The following FER variants were observed in gnomAD, a reference collection of about 807,000 sequenced individuals.
The protein encoded by FER is FER tyrosine kinase, also known as tyrosine-protein kinase Fer.
In FER, 63 loss-of-function variants were observed where a neutral mutation model predicts 111.0. The ratio of observed to expected loss-of-function variants is 0.57; its 90% CI spans 0.46 to 0.70. FER has a LOEUF of 0.70. FER is among the 30% of genes least tolerant of loss of function. The probability of loss-of-function intolerance (pLI) is 0.00; values close to 1 mark genes in which losing one functional copy is unlikely to be tolerated. For missense variants in FER, 914 were observed against 954.0 expected (o/e 0.96, Z 0.55); for synonymous variants, 327 against 313.9 (o/e 1.04, Z -0.44).
intron 17 of FER, among the ~76,000 whole-genome samples, chr5:109,140,188 A>T (rs916670123): frequency 1.8e-4 from 27 of 152,206 alleles, no homozygotes; most frequent in Non-Finnish European, 3.8e-4. Flanking sequence ...AGTGGCTCTT[A>T]ATTCAAATAA....
At chr5:108,783,596 C>G (rs983599685) in intron 2 of FER, among the ~76,000 whole-genome samples, 1 of 152,122 alleles carries the variant, frequency 6.6e-6, no homozygotes, top group African/African-American at 2.4e-5. Flanking sequence ...TTTTCACAAG[C>G]AATCATCCTG....
At chr5:108,995,698 C>G (rs1043020817) in intron 13 of FER, among the ~76,000 whole-genome samples, 2 of 152,102 alleles carry the variant, frequency 1.3e-5, no homozygotes, top group African/African-American at 4.8e-5. Context: ...CAAGTCTTTG[C>G]TATTGTGAAC....
At chr5:109,044,223 G>A (rs1291550066) in intron 14 of FER, among the ~76,000 whole-genome samples, 2 of 150,160 alleles carry the variant, frequency 1.3e-5, no homozygotes, top group East Asian at 4.0e-4. Flanking sequence ...CTGTTGCCCA[G>A]GCTGGAGTGC....
At chr5:109,097,045 G>A (rs936338085) in intron 16 of FER, among the ~76,000 whole-genome samples, 4 of 149,900 alleles carry the variant, frequency 2.7e-5, no homozygotes, top group East Asian at 1.9e-4. Context: ...TTTATTGTGT[G>A]TACTGTGTGC....
intron 17 of FER, among the ~76,000 whole-genome samples, chr5:109,108,140 A>G (rs2150082324): frequency 6.6e-6 from 1 of 152,254 alleles, no homozygotes; most frequent in East Asian, 1.9e-4. Context: ...ACTGTTTGCC[A>G]AGTACATTCA....
At chr5:108,806,117 C>T (rs548862886) in intron 3 of FER, among the ~76,000 whole-genome samples, 7 of 152,252 alleles carry the variant, frequency 4.6e-5, no homozygotes, top group South Asian at 2.1e-4. Context: ...GCATCCTAGC[C>T]GCTCCAGCCG....
At chr5:108,865,612 C>A (rs562471736) in intron 5 of FER, among the ~76,000 whole-genome samples, 263 of 152,236 alleles carry the variant, frequency 1.7e-3, no homozygotes, top group African/African-American at 6.2e-3. Flanking sequence ...AGAGCTTCTG[C>A]ACAGCAAAAG....
At chr5:108,863,853 C>T (rs142877829) in intron 5 of FER, among the ~76,000 whole-genome samples, 1 of 152,148 alleles carries the variant, frequency 6.6e-6, no homozygotes, top group Admixed American at 6.5e-5. Flanking sequence ...AATATATTAT[C>T]TTGTGGGTGG....
At chr5:108,826,606 G>A (rs6876542) in intron 3 of FER, among the ~76,000 whole-genome samples, 34,536 of 152,034 alleles carry the variant, frequency 0.23, 4,099 homozygotes, top group African/African-American at 0.28. Flanking sequence ...GGTAATACTG[G>A]CTTCATAGAA....
intron 16 of FER, among the ~76,000 whole-genome samples, chr5:109,068,605 C>G (rs533061326): frequency 9.9e-5 from 15 of 152,222 alleles, no homozygotes; most frequent in Non-Finnish European, 2.2e-4. Flanking sequence ...AACATGACCA[C>G]TGTGGCTTTG....
intron 2 of FER, among the ~76,000 whole-genome samples, chr5:108,775,321 T>G (rs1218049890): frequency 1.3e-5 from 2 of 152,154 alleles, no homozygotes; most frequent in Admixed American, 1.3e-4. Context: ...ACCTGTGAAC[T>G]TGTCTAGTTA....
At chr5:108,946,552 A>G (rs886559213) in intron 11 of FER, among the ~76,000 whole-genome samples, 1 of 151,986 alleles carries the variant, frequency 6.6e-6, no homozygotes, top group Non-Finnish European at 1.5e-5. Flanking sequence ...AGTGTAAACA[A>G]TTCTTTTCTA....
Position 108,920,447 on chromosome 5 carries a change from A to C in FER, c.1236+22599A>C, listed in dbSNP as rs554954490. 7.9e-5 allele frequency among the ~76,000 whole-genome samples: 12 copies of C among 152,284 alleles called. No individual in the cohort carries two copies. The East Asian group carries it at 2.3e-3, about 29-fold the overall frequency. ...TCTTCAAATTTGGTCACTTCATACA[A>C]TAAAGTAATTACACTGATAATCTTA... On this transcript the variant is annotated intron_variant, in intron 10 of 19. Transcript: ENST00000281092.
At chr5:108,790,014 T>C (rs1422172973) in intron 2 of FER, among the ~76,000 whole-genome samples, 3 of 152,170 alleles carry the variant, frequency 2.0e-5, no homozygotes, top group Non-Finnish European at 4.4e-5. Context: ...CAATATCAGA[T>C]ACAGTTTTTT....
At chr5:109,013,088 T>G (rs2149808137) in intron 13 of FER, among the ~76,000 whole-genome samples, 1 of 151,804 alleles carries the variant, frequency 6.6e-6, no homozygotes, top group South Asian at 2.1e-4. Context: ...TTAATTTTAT[T>G]ATTATTATAC....
At chr5:108,783,621 G>A (rs950334215) in intron 2 of FER, among the ~76,000 whole-genome samples, 3 of 152,236 alleles carry the variant, frequency 2.0e-5, no homozygotes, top group African/African-American at 7.2e-5. Context: ...GGTTTATCAT[G>A]CAGGTCTTAG....
intron 16 of FER, among the ~76,000 whole-genome samples, chr5:109,086,129 T>C (rs1232627246): frequency 1.3e-5 from 2 of 151,880 alleles, no homozygotes; most frequent in African/African-American, 4.8e-5. Context: ...CTTAAGTATT[T>C]TATAGAATTT....
In FER at chr5:108,999,265, G is replaced by A. The variant is rs578115377; in HGVS notation, c.1657-38157G>A. Among the ~76,000 whole-genome samples the A allele has an allele frequency of 2.2e-4, 33 of 151,954 alleles. 1 individual carries two copies. In the Middle Eastern group the frequency reaches 0.024, roughly 110 times the overall value. ...TCTTTGCATGTTTATCATTTGTTAC[G>A]TTTTAAATTTTTTATACAATTTTAC... is the stretch of plus-strand genomic sequence containing the variant. On this transcript the variant is annotated intron_variant, in intron 13 of 19. Transcript: ENST00000281092.
intron 9 of FER, among the ~76,000 whole-genome samples, chr5:108,891,229 G>GTTGTT (rs1040042198): frequency 2.6e-5 from 4 of 151,940 alleles, no homozygotes; most frequent in African/African-American, 9.7e-5. Flanking sequence ...TGGATGTTTG[G>GTTGTT]TTGTTTTGTT....
Sources: allele counts gnomAD v4.1 joint callset (sites outside exome capture counted in the v4.1 genomes callset), GRCh38; gene constraint gnomAD v4.1.1; transcripts MANE v1.5; gene names NCBI Gene and HGNC (gene_info 2026-07-23, HGNC 2026-07-21).